COL4A2: variants seen among roughly 807,000 people sequenced by gnomAD.
The protein encoded by COL4A2 is collagen alpha-2(IV) chain.
A neutral mutation model predicts 200.2 loss-of-function variants in COL4A2; 99 were observed. The ratio of observed to expected loss-of-function variants is 0.49; its 90% confidence interval spans 0.42 to 0.58. COL4A2 has a LOEUF of 0.58. Among genes scored for constraint, COL4A2 ranks in the 20% least tolerant of loss-of-function variants. The pLI is 0.00. For missense variants in COL4A2, 1,950 were observed against 2,314.1 expected (o/e 0.84, Z 3.23); for synonymous variants, 897 against 900.6 (o/e 1.00, Z 0.07).
intron 36 of COL4A2, 150 bp downstream of exon 36, chr13:110,489,935 C>T (rs772337511): frequency 2.5e-5 from 19 of 751,236 alleles, no homozygotes; most frequent in South Asian, 6.1e-5. Context: ...CAAGAAAGAC[C>T]GTCGTTTTTA....
intron 3 of COL4A2, among the ~76,000 whole-genome samples, chr13:110,331,179 A>T (rs1875895123): frequency 6.6e-6 from 1 of 152,190 alleles, no homozygotes; most frequent in African/African-American, 2.4e-5. Flanking sequence ...ATGCCAATAA[A>T]ATCGTGTGAT....
At position 110,458,803 on chromosome 13, in the gene COL4A2, G is replaced by A. The variant is rs777186602; in HGVS notation, c.1465G>A (p.Asp489Asn). The A allele has an allele frequency of 1.8e-5, 29 of 1,613,900 alleles. No homozygotes were observed. Among genetic ancestry groups the A allele is most frequent in the African/African-American group, 9.3e-5 (7 of 74,892 alleles). The change falls in exon 22 of 48, where the codon GAC becomes AAC. Residue 489 changes from aspartate (D) to asparagine (N), a missense_variant. Physicochemically the swap from Asp to Asn is conservative, Grantham distance 23. Coordinates refer to ENST00000360467, the MANE Select transcript of COL4A2 (RefSeq NM_001846.4). ...DAGECRCTEG[D>N]EAIKGLPGLP... ...TGGGGAATGCAGATGTACAGAAGGCGACGAAGCTATCAAAGGTCTTCCGGG... is the reference window on the plus strand; with the variant it reads ...TGGGGAATGCAGATGTACAGAAGGCAACGAAGCTATCAAAGGTCTTCCGGG...
chr13:110,368,141 A>G (rs1877835602), intron 4 of COL4A2, among the ~76,000 whole-genome samples: 1 of 152,254 alleles, frequency 6.6e-6, no homozygotes, highest in South Asian at 2.1e-4. Context: ...CCCCGTATTC[A>G]GGAAGGACAG....
At chr13:110,501,821 T>G in intron 41 of COL4A2, 37 bp downstream of exon 41, 490 of 1,571,640 alleles carry the variant, frequency 3.1e-4, no homozygotes, top group Non-Finnish European at 3.8e-4. Context: ...TCGACATCTC[T>G]AGGGGCAGGA....
intron 34 of COL4A2, among the ~76,000 whole-genome samples, chr13:110,488,832 G>A (rs769267134): frequency 1.4e-4 from 22 of 152,182 alleles, no homozygotes; most frequent in African/African-American, 4.6e-4. Flanking sequence ...AGTCACCGCC[G>A]CCGCTGACAT....
intron 16 of COL4A2, among the ~76,000 whole-genome samples, chr13:110,440,995 A>AC (rs1340299696): frequency 1.3e-5 from 2 of 152,354 alleles, no homozygotes; most frequent in East Asian, 1.9e-4. Context: ...AATGGCAGTC[A>AC]ATAGGTGCGC....
At chr13:110,322,463 A>G (rs2139352767) in intron 3 of COL4A2, among the ~76,000 whole-genome samples, 1 of 152,232 alleles carries the variant, frequency 6.6e-6, no homozygotes, top group Middle Eastern at 3.4e-3. Context: ...GTTCTCCTGG[A>G]GCAGTTCCTG....
rs558786528 is a variant in COL4A2 at position 110,458,389 on chromosome 13, G to A, written c.1433-382G>A. The stretch of plus-strand genomic sequence containing the variant: ...GGCCAGGGCTCTTGCCCTCCCTGAC[G>A]GCTCCCTGGAGCCGGCTCCTCCCCT... On this transcript the variant is annotated intron_variant, in intron 21 of 47. Transcript: ENST00000360467. 1.6e-5 allele frequency: 5 copies of A among 310,446 alleles called. No individual in the cohort carries two copies. The East Asian group carries it at 3.4e-4, about 21-fold the overall frequency. The allele number at this position is 310,446 out of a possible 1,614,324, so 19.2% of individuals were successfully genotyped here.
At chr13:110,308,145 T>C in intron 3 of COL4A2, 22 bp downstream of exon 3, 1 of 1,612,948 alleles carries the variant, frequency 6.2e-7, no homozygotes, top group Non-Finnish European at 8.5e-7. Flanking sequence ...CTCCCGCGCT[T>C]GGACTTGCGC....
chr13:110,503,392 G>A lies in COL4A2; in HGVS notation c.4049G>A (p.Gly1350Asp), dbSNP rs2139552522. 6.3e-7 allele frequency: 1 copy of A among 1,599,304 alleles called. No individual in the cohort carries two copies. Among genetic ancestry groups the A allele is most frequent in the Non-Finnish European group, 8.5e-7 (1 of 1,172,786 alleles). Residue 1350 changes from glycine to aspartate, a missense_variant, in exon 43 of 48, where the codon GGT becomes GAT. Physicochemically the swap from Gly to Asp is moderately conservative, Grantham distance 94. Transcript: ENST00000360467. ...FGLPGEKGPR[G>D]EQGFMGNTGP... ...CTTGTTTGTGTTGCAGGGCCCAGGG[G>A]TGAACAAGGCTTCATGGGGAACACT...
At chr13:110,325,196 C>A (rs916392277) in intron 3 of COL4A2, among the ~76,000 whole-genome samples, 1 of 152,176 alleles carries the variant, frequency 6.6e-6, no homozygotes, top group African/African-American at 2.4e-5. Flanking sequence ...CGGAAATCAA[C>A]GCATTTTTAA....
chr13:110,489,678 C>T (rs1354180578), intron 35 of COL4A2, 33 bp from the exon 36 acceptor site: 25 of 1,613,416 alleles, frequency 1.5e-5, no homozygotes, highest in Non-Finnish European at 2.0e-5. Flanking sequence ...AGTGGAAAGT[C>T]CTGTTCTTAG....
chr13:110,380,486 C>T (rs9583489), intron 4 of COL4A2, among the ~76,000 whole-genome samples: 41,071 of 152,162 alleles, frequency 0.27, 5,773 homozygotes, highest in African/African-American at 0.31. Context: ...TATTTGTATA[C>T]GTGCTGACTC....
At chr13:110,484,416 C>T (rs970967436) in intron 32 of COL4A2, among the ~76,000 whole-genome samples, 4 of 152,084 alleles carry the variant, frequency 2.6e-5, no homozygotes, top group African/African-American at 9.7e-5. Context: ...CTCTGGGCCC[C>T]TCCCCTCCTG....
intron 4 of COL4A2, among the ~76,000 whole-genome samples, chr13:110,387,844 T>C (rs1042570977): frequency 1.3e-5 from 2 of 152,182 alleles, no homozygotes; most frequent in East Asian, 3.9e-4. Flanking sequence ...CCTCCACCTC[T>C]GCGGAGCTCT....
At chr13:110,355,959 G>T in intron 3 of COL4A2, among the ~76,000 whole-genome samples, 1 of 152,118 alleles carries the variant, frequency 6.6e-6, no homozygotes, top group East Asian at 1.9e-4. Flanking sequence ...TAGCTTACCT[G>T]TCAGGGGAGA....
At chr13:110,348,026 G>A (rs988592684) in intron 3 of COL4A2, among the ~76,000 whole-genome samples, 3 of 152,224 alleles carry the variant, frequency 2.0e-5, no homozygotes, top group African/African-American at 2.4e-5. Context: ...CAGGAAGGAC[G>A]TCTGTCTTCC....
intron 4 of COL4A2, among the ~76,000 whole-genome samples, chr13:110,365,598 TCCAGAGCTTTGCACAC>T (rs1877709815): frequency 6.6e-6 from 1 of 152,152 alleles, no homozygotes; most frequent in African/African-American, 2.4e-5. Flanking sequence ...AAATGGGCCT[TCCAGAGCTTTGCACAC>T]CCCTCCCCCT....
chr13:110,415,073 A>G (rs12585289), intron 4 of COL4A2, among the ~76,000 whole-genome samples: 14,892 of 152,248 alleles, frequency 0.098, 1,041 homozygotes, highest in East Asian at 0.29. Context: ...TAGAAAAGGC[A>G]AACTACATGG....
Sources: gnomAD v4.1 joint callset for allele counts (sites outside exome capture counted in the v4.1 genomes callset) on GRCh38, gnomAD v4.1.1 for gene constraint, MANE v1.5 for transcripts, NCBI Gene and HGNC (gene_info 2026-07-23, HGNC 2026-07-21) for gene names.